The following PDE9A variants were observed in gnomAD, a reference collection of about 807,000 sequenced individuals.
PDE9A encodes high affinity cGMP-specific 3',5'-cyclic phosphodiesterase 9A.
In PDE9A, 60 loss-of-function variants were observed where a neutral mutation model predicts 87.4. The ratio of observed to expected loss-of-function variants is 0.69; its 90% confidence interval spans 0.56 to 0.85. The LOEUF (loss-of-function observed/expected upper bound fraction) is 0.85. PDE9A is among the 40% of genes least tolerant of loss of function. The pLI is 0.00. For missense variants in PDE9A, 665 were observed against 779.0 expected, an observed-to-expected ratio of 0.85 and a Z score of 1.74; for synonymous variants, 272 against 279.4, an observed-to-expected ratio of 0.97 and a Z score of 0.27.
chr21:42,687,403 A>ATTTACAAC (rs545956516), intron 2 of PDE9A, among the ~76,000 whole-genome samples: 116 of 152,294 alleles, frequency 7.6e-4, no homozygotes, highest in African/African-American at 2.7e-3. Context: ...GATTTTAACA[A>ATTTACAAC]TTTACAACTG....
In PDE9A at chr21:42,731,865, G is replaced by T; in HGVS notation, c.358G>T (p.Glu120Ter). 1 of 1,614,230 alleles carries T rather than the reference G, an allele frequency of 6.2e-7. No homozygotes were observed. The change falls in exon 5 of 20, where the codon GAA (glutamate) becomes TAA (stop). Residue 120 changes from glutamate (E) to a stop codon, truncating the protein, a stop_gained. Coordinates refer to ENST00000291539, the MANE Select transcript of PDE9A (RefSeq NM_002606.3). LOFTEE classifies it high-confidence loss of function. ...TGTGGGCCTGGAGCAGCCCCGGAGG[G>T]AAGGAGCATTTGAAAGTGGACAGGT... The part of the protein sequence containing the change: ...RVVGLEQPRR[E>*]GAFESGQVEP...
At chr21:42,670,186 TA>T (rs796291585) in intron 1 of PDE9A, among the ~76,000 whole-genome samples, 3,083 of 138,094 alleles carry the variant, frequency 0.022, 109 homozygotes, top group African/African-American at 0.073. Flanking sequence ...CACATACACT[TA>T]CACACATTCA....
chr21:42,754,242 T>C (rs1390531630), intron 10 of PDE9A, among the ~76,000 whole-genome samples, 178 bp downstream of exon 10: 4 of 152,048 alleles, frequency 2.6e-5, no homozygotes, highest in Non-Finnish European at 4.4e-5. Flanking sequence ...ACTAACACTT[T>C]ATAGCAGGGC....
intron 16 of PDE9A, 47 bp downstream of exon 16, chr21:42,768,339 C>T: frequency 8.1e-7 from 1 of 1,240,428 alleles, no homozygotes; most frequent in African/African-American, 1.5e-5. Flanking sequence ...TCTTATTAGC[C>T]CCACTTAGTA....
At chr21:42,727,696 T>C (rs1348044591) in intron 4 of PDE9A, among the ~76,000 whole-genome samples, 1 of 152,032 alleles carries the variant, frequency 6.6e-6, no homozygotes, top group Non-Finnish European at 1.5e-5. Context: ...TTGTAGTAAA[T>C]ACAATTGAAT....
intron 6 of PDE9A, among the ~76,000 whole-genome samples, chr21:42,732,438 C>A (rs1312379281): frequency 6.6e-6 from 1 of 152,224 alleles, no homozygotes; most frequent in East Asian, 1.9e-4. Context: ...ATTGGCTCCA[C>A]TGGAAAATAA....
chr21:42,742,834 C>T (rs2053458742), intron 7 of PDE9A, among the ~76,000 whole-genome samples: 1 of 152,174 alleles, frequency 6.6e-6, no homozygotes, highest in African/African-American at 2.4e-5. Context: ...GTTTATCTAT[C>T]TGGGTGGTGC....
In PDE9A at chr21:42,760,529, A is replaced by G; in HGVS notation, c.1002+97A>G. The G allele has an allele frequency of 1.3e-6, 1 of 771,916 alleles. No homozygotes were observed. The highest frequency in any genetic ancestry group is 2.7e-5 in the East Asian group (1 of 37,272). 47.8% of individuals were successfully genotyped at this position (771,916 alleles called of 1,614,324 possible). On this transcript the variant is annotated intron_variant, in intron 12 of 19. Coordinates refer to ENST00000291539, the MANE Select transcript of PDE9A (RefSeq NM_002606.3). The surrounding 1 kb of genome is among the most constrained non-coding windows in gnomAD (Gnocchi z 5.2). ...GCAGCCCCATCCCACCAAGAGAGCCACAGGCGTGGGGTCCCCAGCCGCTCC... is the reference window on the plus strand; with the variant it reads ...GCAGCCCCATCCCACCAAGAGAGCCGCAGGCGTGGGGTCCCCAGCCGCTCC...
chr21:42,706,791 C>T (rs933004609), intron 4 of PDE9A, among the ~76,000 whole-genome samples: 8 of 152,158 alleles, frequency 5.3e-5, no homozygotes, highest in Non-Finnish European at 1.0e-4. Flanking sequence ...CCCCTTCACC[C>T]CCCAGCCCCT....
chr21:42,674,522 G>T (rs1380002926), intron 1 of PDE9A, among the ~76,000 whole-genome samples: 1 of 152,008 alleles, frequency 6.6e-6, no homozygotes, highest in South Asian at 2.1e-4. Context: ...CCAGCCCCTG[G>T]CCTTTGTAAA....
intron 4 of PDE9A, among the ~76,000 whole-genome samples, chr21:42,714,173 C>T (rs974045810): frequency 6.6e-6 from 1 of 151,916 alleles, no homozygotes; most frequent in African/African-American, 2.4e-5. Context: ...CGCCCACCAC[C>T]GTGCCTGGCT....
At chr21:42,773,912 G>C (rs142769950) in intron 19 of PDE9A, among the ~76,000 whole-genome samples, 1 of 150,936 alleles carries the variant, frequency 6.6e-6, no homozygotes, top group Non-Finnish European at 1.5e-5. Flanking sequence ...AGACCATCCT[G>C]GCTAACACGG....
chr21:42,761,309 G>A (rs1053014853), intron 13 of PDE9A, among the ~76,000 whole-genome samples: 6 of 152,244 alleles, frequency 3.9e-5, no homozygotes, highest in South Asian at 4.1e-4. Context: ...GCTGGCTTCC[G>A]CAGGGAAAGC....
intron 4 of PDE9A, among the ~76,000 whole-genome samples, chr21:42,703,865 G>T (rs1177748352): frequency 2.0e-5 from 3 of 152,314 alleles, no homozygotes; most frequent in South Asian, 2.1e-4. Flanking sequence ...ACTTCGCATC[G>T]TAAAGTTTTG....
At chr21:42,735,416 G>C (rs1193533947) in intron 7 of PDE9A, among the ~76,000 whole-genome samples, 1 of 152,222 alleles carries the variant, frequency 6.6e-6, no homozygotes, top group Admixed American at 6.5e-5. Flanking sequence ...AAGCACCACA[G>C]ACTGGGAGGC....
At chr21:42,747,283 G>A (rs2053955200) in intron 8 of PDE9A, among the ~76,000 whole-genome samples, 1 of 151,078 alleles carries the variant, frequency 6.6e-6, no homozygotes, top group Admixed American at 6.6e-5. Context: ...AACTTCCCCG[G>A]ATGACTGGGG....
At position 42,653,887 on chromosome 21, in the gene PDE9A, GCCCCTCCCCCACCCAGACAC is replaced by G; in HGVS notation, c.69+12_69+31del. ...CATCGATGGACGCATTCAGAAGGTA[GCCCCTCCCCCACCCAGACAC>G]CCCCTCCTCCCCCCGGGTGACAGCG... On this transcript the variant is annotated splice_donor_5th_base_variant and intron_variant, in intron 1 of 19. Transcript: ENST00000291539. 6.5e-7 allele frequency: 1 copy of G among 1,532,290 alleles called. No individual in the cohort carries two copies. Among genetic ancestry groups the G allele is most frequent in the Non-Finnish European group, 8.8e-7 (1 of 1,131,578 alleles). The allele number at this position is 1,532,290 out of a possible 1,614,324, so 94.9% of individuals were successfully genotyped here.
intron 17 of PDE9A, among the ~76,000 whole-genome samples, 170 bp downstream of exon 17, chr21:42,769,325 ACACG>A (rs1428471766): frequency 4.0e-5 from 6 of 151,442 alleles, no homozygotes; most frequent in African/African-American, 1.5e-4. Flanking sequence ...ACATATACAC[ACACG>A]CACACAGCTA....
At chr21:42,734,273 G>A (rs1382681644) in intron 7 of PDE9A, 1 of 152,198 alleles carries the variant, frequency 6.6e-6, no homozygotes, top group Non-Finnish European at 1.5e-5. Context: ...GTCGATTCAA[G>A]TCCTGATTCA....
Sources: gnomAD v4.1 joint callset for allele counts (sites outside exome capture counted in the v4.1 genomes callset) on GRCh38, gnomAD v4.1.1 for gene constraint, Gnocchi (gnomAD v3.1) non-coding constraint, MANE v1.5 for transcripts, NCBI Gene and HGNC (gene_info 2026-07-23, HGNC 2026-07-21) for gene names.